Variants in PNPT1 observed in about 807,000 individuals in gnomAD.
PNPT1 encodes polyribonucleotide nucleotidyltransferase 1, mitochondrial.
A neutral mutation model predicts 119.5 loss-of-function variants in PNPT1; 53 were observed. That is an observed-to-expected ratio of 0.44 (90% CI 0.36 to 0.56). PNPT1 has a LOEUF of 0.56. Ranked by LOEUF, PNPT1 falls within the 20% of genes least tolerant of loss-of-function variation. The probability of loss-of-function intolerance (pLI) is 0.00; values close to 1 mark genes in which losing one functional copy is unlikely to be tolerated. For missense variants in PNPT1, 948 were observed against 938.5 expected, an observed-to-expected ratio of 1.01 and a Z score of -0.13; for synonymous variants, 357 against 322.1, an observed-to-expected ratio of 1.11 and a Z score of -1.16.
At chr2:55,683,694 C>T in intron 5 of PNPT1, 91 bp downstream of exon 5, 9 of 1,154,914 alleles carry the variant, frequency 7.8e-6, no homozygotes, top group Admixed American at 2.5e-5. Context: ...TTCTTATGTT[C>T]TTTATAATGT....
chr2:55,691,445 G>T lies in PNPT1; in HGVS notation c.161+2218C>A, dbSNP rs143781185. Among the ~76,000 whole-genome samples the T allele has an allele frequency of 5.2e-4, 79 of 152,250 alleles. 1 individual carries two copies. The East Asian group carries it at 0.013, about 25-fold the overall frequency. On this transcript the variant is annotated intron_variant, in intron 1 of 27. Transcript: ENST00000447944. ...AATAAATGTTGCCAATGGCAAACAA[G>T]ACAAAAATGAAAGAATTTATCCAGC...
At chr2:55,651,088 C>G (rs1164964550) in intron 18 of PNPT1, among the ~76,000 whole-genome samples, 1 of 148,490 alleles carries the variant, frequency 6.7e-6, no homozygotes, top group Non-Finnish European at 1.5e-5. Flanking sequence ...GTCAGCCCCC[C>G]CGCCCAGCCA....
intron 8 of PNPT1, among the ~76,000 whole-genome samples, chr2:55,674,173 A>C (rs1258621193): frequency 6.6e-6 from 1 of 152,252 alleles, no homozygotes; most frequent in African/African-American, 2.4e-5. Flanking sequence ...CAACTAAAGG[A>C]CTGAATAATA....
At chr2:55,682,535 C>T (rs533920227) in intron 5 of PNPT1, among the ~76,000 whole-genome samples, 2 of 152,124 alleles carry the variant, frequency 1.3e-5, no homozygotes, top group South Asian at 4.2e-4. Flanking sequence ...ATGTCATGCA[C>T]TTAAAAAAGT....
At chr2:55,636,465 AT>A in intron 27 of PNPT1, 73 bp from the exon 28 acceptor site, 1 of 1,474,288 alleles carries the variant, frequency 6.8e-7, no homozygotes, top group Non-Finnish European at 9.3e-7. Context: ...AGACATTTAA[AT>A]TTACATGGTC....
intron 8 of PNPT1, among the ~76,000 whole-genome samples, chr2:55,678,526 G>C (rs1697154870): frequency 6.6e-6 from 1 of 152,158 alleles, no homozygotes; most frequent in African/African-American, 2.4e-5. Context: ...CCTTTTTGCT[G>C]TTCCCTTCTT....
intron 25 of PNPT1, among the ~76,000 whole-genome samples, chr2:55,642,426 A>G (rs911867672): frequency 1.1e-4 from 16 of 151,412 alleles, no homozygotes; most frequent in African/African-American, 1.5e-4. Flanking sequence ...CTAACAAGGT[A>G]AAACCCCGTC....
In PNPT1 at chr2:55,680,923, T is replaced by C. The variant is rs779063477; in HGVS notation, c.454-5A>G. 8.1e-6 allele frequency: 13 copies of C among 1,611,590 alleles called. No homozygotes were observed. The highest frequency in any genetic ancestry group is 2.2e-5 in the East Asian group (1 of 44,854). ...TGCTAACAGATTACACAGAACCTGG[T>C]AAAAGGGAAAAAATTTGATTTGGAA... On this transcript the variant is annotated splice_region_variant and splice_polypyrimidine_tract_variant and intron_variant, in intron 5 of 27. Transcript: ENST00000447944.
At chr2:55,652,463 C>T (rs549522984) in intron 18 of PNPT1, among the ~76,000 whole-genome samples, 5 of 152,256 alleles carry the variant, frequency 3.3e-5, no homozygotes, top group African/African-American at 9.6e-5. Flanking sequence ...TCACCCATTC[C>T]TTTTAATCAG....
intron 1 of PNPT1, among the ~76,000 whole-genome samples, chr2:55,690,723 G>C (rs1403441813): frequency 1.3e-5 from 2 of 152,066 alleles, no homozygotes; most frequent in East Asian, 1.9e-4. Flanking sequence ...GGGAATATTT[G>C]AGAAATTCTA....
chr2:55,653,521 A>T (rs1157591226), intron 18 of PNPT1, among the ~76,000 whole-genome samples: 4 of 152,254 alleles, frequency 2.6e-5, no homozygotes, highest in Non-Finnish European at 5.9e-5. Context: ...TGAGAAACAC[A>T]AGTGCCATGA....
chr2:55,642,207 A>C (rs1695853819), intron 25 of PNPT1, among the ~76,000 whole-genome samples: 1 of 152,218 alleles, frequency 6.6e-6, no homozygotes, highest in South Asian at 2.1e-4. Flanking sequence ...ATCAAAAGAA[A>C]AAAAAAGAAA....
rs1191645692 is a variant in PNPT1, at chr2:55,667,049, T to G, written c.1118A>C (p.Glu373Ala). 1.9e-6 allele frequency: 3 copies of G among 1,612,310 alleles called. No homozygotes were observed. The East Asian group carries it at 6.7e-5, about 36-fold the overall frequency. ...DLTSLRNVSC[E>A]VDMFKTLHGS... ...ATGAAGGGTTTTAAACATATCTACCTCACAACTTACATTCCTAAGTGAAGT... is the reference window on the plus strand; with the variant it reads ...ATGAAGGGTTTTAAACATATCTACCGCACAACTTACATTCCTAAGTGAAGT... The change falls in exon 13 of 28, where the codon GAG (glutamate) becomes GCG (alanine). Residue 373 changes from glutamate (E) to alanine (A), a missense_variant. Glu to Ala is a moderately radical substitution (Grantham distance 107). Transcript: ENST00000447944.
chr2:55,682,294 T>C (rs547443634), intron 5 of PNPT1, among the ~76,000 whole-genome samples: 2 of 150,950 alleles, frequency 1.3e-5, no homozygotes, highest in East Asian at 2.0e-4. Flanking sequence ...CCCATCTCTA[T>C]TAAAAACAGA....
chr2:55,692,794 T>A, intron 1 of PNPT1, among the ~76,000 whole-genome samples: 1 of 152,160 alleles, frequency 6.6e-6, no homozygotes, highest in East Asian at 1.9e-4. Context: ...CTTTAGGCAA[T>A]CAATTAGATT....
At chr2:55,682,580 C>T (rs1323982352) in intron 5 of PNPT1, among the ~76,000 whole-genome samples, 3 of 152,084 alleles carry the variant, frequency 2.0e-5, no homozygotes, top group African/African-American at 7.2e-5. Context: ...AAACTTTATA[C>T]TGCAATAATG....
chr2:55,661,690 G>A (rs1027145635), intron 14 of PNPT1, among the ~76,000 whole-genome samples: 4 of 152,132 alleles, frequency 2.6e-5, no homozygotes, highest in African/African-American at 9.7e-5. Flanking sequence ...CCTGTCCTAA[G>A]AAATCATTCT....
intron 23 of PNPT1, among the ~76,000 whole-genome samples, chr2:55,644,166 A>G (rs1384943745): frequency 6.6e-6 from 1 of 152,222 alleles, no homozygotes; most frequent in Non-Finnish European, 1.5e-5. Context: ...GCAAATGGCT[A>G]AGGTGACAGT....
At position 55,646,486 on chromosome 2, in the gene PNPT1, C is replaced by T. The variant is rs771773027; in HGVS notation, c.1603G>A (p.Gly535Arg). 5 of 1,603,468 alleles carry T rather than the reference C, an allele frequency of 3.1e-6. No individual in the cohort carries two copies. Among genetic ancestry groups the T allele is most frequent in the African/African-American group, 1.3e-5 (1 of 74,282 alleles). Residue 535 changes from glycine (G) to arginine (R), a missense_variant and splice_region_variant, in exon 20 of 28, where the codon GGA becomes AGA. Transcript: ENST00000447944. ...EDYRLLTDIL[G>R]IEDYNGDMDF... is the part of the protein sequence containing the mutation. ...ATGTCACCATTGTAATCTTCAATTC[C>T]CTTCAGGAATTTAAAAAGTTATGAC...
Sources: gnomAD v4.1 joint callset for allele counts (sites outside exome capture counted in the v4.1 genomes callset) on GRCh38, gnomAD v4.1.1 for gene constraint, MANE v1.5 for transcripts, NCBI Gene and HGNC (gene_info 2026-07-23, HGNC 2026-07-21) for gene names.